The following ACOXL variants were observed in gnomAD, a reference collection of about 807,000 sequenced individuals.
ACOXL encodes the protein acyl-coenzyme A oxidase-like protein.
ACOXL carries 70 observed loss-of-function variants against 71.9 expected under a neutral mutation model. That is an observed-to-expected ratio of 0.97 (90% CI 0.80 to 1.19). The LOEUF (loss-of-function observed/expected upper bound fraction) is 1.19. ACOXL is among the 50% of genes most tolerant of loss of function. The probability of loss-of-function intolerance (pLI) is 0.00; values close to 1 mark genes in which losing one functional copy is unlikely to be tolerated. For missense variants in ACOXL, 703 were observed against 736.3 expected (o/e 0.95, Z 0.52); for synonymous variants, 253 against 281.6 (o/e 0.90, Z 1.02).
intron 16 of ACOXL, among the ~76,000 whole-genome samples, chr2:111,084,103 G>T (rs990166096): frequency 3.3e-5 from 5 of 152,064 alleles, no homozygotes; most frequent in African/African-American, 1.2e-4. Context: ...AAGGGGGAAG[G>T]ATCGCTTGAG....
intron 10 of ACOXL, among the ~76,000 whole-genome samples, chr2:110,894,927 C>A (rs2149167471): frequency 6.6e-6 from 1 of 152,282 alleles, no homozygotes; most frequent in South Asian, 2.1e-4. Flanking sequence ...CCTTTCCCTG[C>A]CACAATACAG....
At chr2:110,775,932 C>T (rs930059448) in intron 2 of ACOXL, among the ~76,000 whole-genome samples, 5 of 152,188 alleles carry the variant, frequency 3.3e-5, no homozygotes, top group Admixed American at 1.3e-4. Flanking sequence ...GAAGTGAAAG[C>T]AAGGGCTCAG....
chr2:110,923,940 A>G (rs1424273253), intron 11 of ACOXL, among the ~76,000 whole-genome samples: 1 of 152,048 alleles, frequency 6.6e-6, no homozygotes, highest in East Asian at 1.9e-4. Flanking sequence ...CCATCTCAAA[A>G]AAAAAAAAAG....
At chr2:110,999,743 C>T (rs865843503) in intron 14 of ACOXL, among the ~76,000 whole-genome samples, 6 of 152,314 alleles carry the variant, frequency 3.9e-5, no homozygotes, top group African/African-American at 1.4e-4. Context: ...TGGGAAGGCC[C>T]AGGTGTCAAG....
At chr2:110,757,555 G>A (rs1679860132) in intron 1 of ACOXL, among the ~76,000 whole-genome samples, 2 of 151,962 alleles carry the variant, frequency 1.3e-5, no homozygotes, top group South Asian at 2.1e-4. Flanking sequence ...CAACCTCGCC[G>A]GCATCTGTTG....
chr2:110,867,719 A>G (rs1449971450), intron 10 of ACOXL, among the ~76,000 whole-genome samples: 1 of 152,004 alleles, frequency 6.6e-6, no homozygotes, highest in Non-Finnish European at 1.5e-5. Flanking sequence ...AATATTAAAT[A>G]CCTTTTGGTG....
chr2:110,903,432 T>A (rs779322697), intron 10 of ACOXL, among the ~76,000 whole-genome samples: 252 of 152,374 alleles, frequency 1.7e-3, no homozygotes, highest in Non-Finnish European at 3.1e-3. Context: ...AATCTATAAT[T>A]TTAAATGGCA....
At chr2:110,759,871 T>C (rs1453453644) in intron 1 of ACOXL, among the ~76,000 whole-genome samples, 1 of 152,146 alleles carries the variant, frequency 6.6e-6, no homozygotes, top group Non-Finnish European at 1.5e-5. Flanking sequence ...TTGTATTCTT[T>C]AGGCATATTT....
chr2:110,979,655 G>A (rs2062616454), intron 12 of ACOXL, among the ~76,000 whole-genome samples: 1 of 152,152 alleles, frequency 6.6e-6, no homozygotes, highest in South Asian at 2.1e-4. Context: ...ACCCTCCCAG[G>A]CTCTTTATAC....
chr2:111,042,806 G>A (rs1258569921), intron 15 of ACOXL, among the ~76,000 whole-genome samples: 1 of 152,154 alleles, frequency 6.6e-6, no homozygotes, highest in African/African-American at 2.4e-5. Context: ...GGGGGATGCG[G>A]TGCTTTGGAG....
chr2:110,912,435 T>C (rs944755132), intron 11 of ACOXL, among the ~76,000 whole-genome samples: 2 of 152,080 alleles, frequency 1.3e-5, no homozygotes, highest in African/African-American at 4.8e-5. Context: ...GTCAACAGAA[T>C]TAAATCAAGA....
intron 14 of ACOXL, among the ~76,000 whole-genome samples, chr2:111,018,597 AG>A (rs2064579549): frequency 6.6e-6 from 1 of 152,024 alleles, no homozygotes; most frequent in Non-Finnish European, 1.5e-5. Context: ...TGGGAGTTCT[AG>A]GGAGAGCCTT....
intron 2 of ACOXL, 69 bp from the exon 3 acceptor site, chr2:110,784,662 TA>T: frequency 8.0e-7 from 1 of 1,245,676 alleles, no homozygotes; most frequent in Non-Finnish European, 1.1e-6. Context: ...GCATTTCTTA[TA>T]AAAACTGTGA....
At chr2:110,767,910 C>G (rs957270287) in intron 1 of ACOXL, among the ~76,000 whole-genome samples, 1 of 145,220 alleles carries the variant, frequency 6.9e-6, no homozygotes, top group Admixed American at 7.0e-5. Flanking sequence ...ATGGCGAAAC[C>G]CTGTCTCTAC....
chr2:110,742,649 A>C (rs566346288), intron 1 of ACOXL, among the ~76,000 whole-genome samples: 1 of 152,310 alleles, frequency 6.6e-6, no homozygotes, highest in African/African-American at 2.4e-5. Flanking sequence ...GGAATTCTCT[A>C]GTTTTCTTTT....
intron 17 of ACOXL, among the ~76,000 whole-genome samples, chr2:111,095,391 C>CTT (rs780172456): frequency 0.026 from 3,020 of 116,520 alleles, 112 homozygotes; most frequent in Non-Finnish European, 0.038. Flanking sequence ...TTTTCTTTTT[C>CTT]TTTTTTTTTT....
intron 12 of ACOXL, among the ~76,000 whole-genome samples, chr2:110,949,533 C>T (rs1344244332): frequency 3.3e-5 from 5 of 152,164 alleles, no homozygotes; most frequent in South Asian, 4.1e-4. Flanking sequence ...TGACCCTAAC[C>T]TATTTGGCTA....
At chr2:110,982,944 C>T (rs557796017) in intron 12 of ACOXL, among the ~76,000 whole-genome samples, 7 of 152,268 alleles carry the variant, frequency 4.6e-5, no homozygotes, top group African/African-American at 1.7e-4. Context: ...AAGAAGGGGG[C>T]CTGCATTTTC....
chr2:111,082,005 A>G (rs866119733), intron 16 of ACOXL, among the ~76,000 whole-genome samples: 1 of 152,238 alleles, frequency 6.6e-6, no homozygotes, highest in Non-Finnish European at 1.5e-5. Flanking sequence ...CTTACACTTT[A>G]TACAAAAATT....
Sources: gnomAD v4.1 joint callset for allele counts (sites outside exome capture counted in the v4.1 genomes callset) on GRCh38, gnomAD v4.1.1 for gene constraint, MANE v1.5 for transcripts, NCBI Gene and HGNC (gene_info 2026-07-23, HGNC 2026-07-21) for gene names.